ST6GALNAC3: variants seen among roughly 807,000 people sequenced by gnomAD.
ST6GALNAC3 encodes ST6 N-acetylgalactosaminide alpha-2,6-sialyltransferase 3, also known as alpha-N-acetylgalactosaminide alpha-2,6-sialyltransferase 3.
In ST6GALNAC3, 25 loss-of-function variants were observed where a neutral mutation model predicts 32.7. That is an observed-to-expected ratio of 0.76 (90% CI 0.56 to 1.07). ST6GALNAC3 has a LOEUF of 1.07. Ranked by LOEUF, ST6GALNAC3 falls within the 50% of genes least tolerant of loss-of-function variation. The pLI, the probability that ST6GALNAC3 is intolerant of heterozygous loss-of-function variation, is 0.00. For synonymous variants in ST6GALNAC3, 129 were observed against 133.1 expected (o/e 0.97, Z 0.21); for missense variants, 355 against 382.4 (o/e 0.93, Z 0.60).
chr1:76,293,530 T>C (rs1264661681), intron 1 of ST6GALNAC3, among the ~76,000 whole-genome samples: 2 of 152,194 alleles, frequency 1.3e-5, no homozygotes, highest in Non-Finnish European at 2.9e-5. Context: ...TACTGGTTAA[T>C]AGAAACACTC....
chr1:76,255,912 A>T (rs1182818935), intron 1 of ST6GALNAC3, among the ~76,000 whole-genome samples: 1 of 152,098 alleles, frequency 6.6e-6, no homozygotes, highest in Non-Finnish European at 1.5e-5. Context: ...GATCAAATAC[A>T]TTTATTACTA....
At chr1:76,445,150 A>G (rs770683415) in intron 3 of ST6GALNAC3, among the ~76,000 whole-genome samples, 1 of 152,168 alleles carries the variant, frequency 6.6e-6, no homozygotes, top group Non-Finnish European at 1.5e-5. Context: ...AGAACCACTT[A>G]CGATGCAACT....
rs115235469 is a variant in ST6GALNAC3, at chr1:76,157,890, A to C, written c.18+83006A>C. Among the ~76,000 whole-genome samples, 1,221 of 152,270 alleles carry C rather than the reference A, an allele frequency of 8.0e-3. 22 individuals are homozygous for C. Among genetic ancestry groups the C allele is most frequent in the African/African-American group, 0.028 (1,174 of 41,548 alleles). On this transcript the variant is annotated intron_variant, in intron 1 of 4. Transcript: ENST00000328299. ...TGCCATATAATTGTAATAATATAGG[A>C]TATGCTATTATGTCTCCACTTTCCA...
intron 2 of ST6GALNAC3, among the ~76,000 whole-genome samples, chr1:76,332,680 A>G (rs1647211437): frequency 1.3e-5 from 2 of 152,144 alleles, no homozygotes; most frequent in Admixed American, 6.6e-5. Flanking sequence ...CCTTACGACC[A>G]TTCATTCTAC....
At chr1:76,567,941 C>A (rs1045658154) in intron 3 of ST6GALNAC3, among the ~76,000 whole-genome samples, 1 of 152,042 alleles carries the variant, frequency 6.6e-6, no homozygotes, top group African/African-American at 2.4e-5. Context: ...CTCTGTGCTT[C>A]GGTAGTTGCA....
chr1:76,447,592 AG>A (rs1467835743), intron 3 of ST6GALNAC3, among the ~76,000 whole-genome samples: 1 of 152,102 alleles, frequency 6.6e-6, no homozygotes, highest in Non-Finnish European at 1.5e-5. Context: ...CCCTAGGAGG[AG>A]GAGATGGTTT....
At chr1:76,402,339 C>T (rs1653489497) in intron 2 of ST6GALNAC3, among the ~76,000 whole-genome samples, 2 of 152,122 alleles carry the variant, frequency 1.3e-5, no homozygotes, top group African/African-American at 4.8e-5. Flanking sequence ...CTCCTTGCCT[C>T]CAAGGAATGT....
intron 3 of ST6GALNAC3, among the ~76,000 whole-genome samples, chr1:76,515,911 T>C (rs1662142969): frequency 6.6e-6 from 1 of 152,214 alleles, no homozygotes; most frequent in Non-Finnish European, 1.5e-5. Context: ...TGTAAATACC[T>C]GTTAGGTTCA....
chr1:76,139,411 AACACAC>A (rs34648991), intron 1 of ST6GALNAC3, among the ~76,000 whole-genome samples: 1 of 151,450 alleles, frequency 6.6e-6, no homozygotes, highest in African/African-American at 2.4e-5. Context: ...CACACATATA[AACACAC>A]ACACACACAG....
intron 1 of ST6GALNAC3, among the ~76,000 whole-genome samples, chr1:76,122,574 G>A (rs766616730): frequency 6.6e-6 from 1 of 152,192 alleles, no homozygotes; most frequent in African/African-American, 2.4e-5. Flanking sequence ...TGCACCACTT[G>A]TAATTATGTG....
chr1:76,210,170 C>T (rs1655066021), intron 1 of ST6GALNAC3, among the ~76,000 whole-genome samples: 1 of 152,260 alleles, frequency 6.6e-6, no homozygotes, highest in East Asian at 1.9e-4. Context: ...CCTATCAACC[C>T]ATCACCTAGG....
At chr1:76,245,122 T>C (rs1241111556) in intron 1 of ST6GALNAC3, among the ~76,000 whole-genome samples, 1 of 152,178 alleles carries the variant, frequency 6.6e-6, no homozygotes, top group Non-Finnish European at 1.5e-5. Context: ...TTGTTATTGG[T>C]GTATTTAGAG....
intron 2 of ST6GALNAC3, among the ~76,000 whole-genome samples, chr1:76,410,933 C>T (rs1654191741): frequency 6.6e-6 from 1 of 152,020 alleles, no homozygotes; most frequent in African/African-American, 2.4e-5. Context: ...TAAAGTCCAA[C>T]ACAATACATA....
chr1:76,507,960 T>C lies in ST6GALNAC3; in HGVS notation c.623+95543T>C, dbSNP rs180894435. 2.6e-5 allele frequency among the ~76,000 whole-genome samples: 4 copies of C among 152,316 alleles called. No individual in the cohort carries two copies. The East Asian group carries it at 7.7e-4, about 29-fold the overall frequency. On this transcript the variant is annotated intron_variant, in intron 3 of 4. Transcript: ENST00000328299. ...ATTTGCTATTACTTGTCTTTTTTAT[T>C]ATAGCCATCCTAGTGGATGTGAAGC...
At chr1:76,315,015 T>C (rs1241395020) in intron 2 of ST6GALNAC3, among the ~76,000 whole-genome samples, 2 of 152,160 alleles carry the variant, frequency 1.3e-5, no homozygotes, top group Admixed American at 1.3e-4. Context: ...TGCTTCTGGT[T>C]AATTTGATTC....
intron 2 of ST6GALNAC3, among the ~76,000 whole-genome samples, chr1:76,341,010 T>A (rs1019084943): frequency 6.6e-6 from 1 of 151,726 alleles, no homozygotes; most frequent in Admixed American, 6.6e-5. Flanking sequence ...TTTTCCTAAA[T>A]GAGTTTCTTT....
intron 1 of ST6GALNAC3, among the ~76,000 whole-genome samples, chr1:76,178,253 G>T (rs1449550587): frequency 6.6e-6 from 1 of 152,218 alleles, no homozygotes; most frequent in East Asian, 1.9e-4. Context: ...AGCCATTTTA[G>T]AAAGAGAGAT....
intron 3 of ST6GALNAC3, among the ~76,000 whole-genome samples, chr1:76,547,285 GC>G (rs1418297211): frequency 6.6e-6 from 1 of 152,144 alleles, no homozygotes; most frequent in African/African-American, 2.4e-5. Context: ...ATTCCTTAGC[GC>G]CCCGTGAGGA....
At chr1:76,567,562 G>A (rs902602070) in intron 3 of ST6GALNAC3, among the ~76,000 whole-genome samples, 1 of 152,124 alleles carries the variant, frequency 6.6e-6, no homozygotes, top group Non-Finnish European at 1.5e-5. Flanking sequence ...CCACTATGCA[G>A]CCACTTCACC....
Sources: gnomAD v4.1 joint callset for allele counts (sites outside exome capture counted in the v4.1 genomes callset) on GRCh38, gnomAD v4.1.1 for gene constraint, MANE v1.5 for transcripts, NCBI Gene and HGNC (gene_info 2026-07-23, HGNC 2026-07-21) for gene names.